SELENBP1: variants seen among roughly 807,000 people sequenced by gnomAD.
SELENBP1 encodes the protein selenium binding protein 1, also known as methanethiol oxidase.
A neutral mutation model predicts 61.0 loss-of-function variants in SELENBP1; 71 were observed. That is an observed-to-expected ratio of 1.16 (90% confidence interval 0.96 to 1.42). SELENBP1 has a LOEUF of 1.42. Ranked by LOEUF, SELENBP1 falls within the 40% of genes most tolerant of loss-of-function variation. SELENBP1 has a pLI of 0.00. For missense variants in SELENBP1, 561 were observed against 605.0 expected (o/e 0.93, Z 0.76); for synonymous variants, 270 against 238.9 (o/e 1.13, Z -1.20).
At position 151,365,245 on chromosome 1, in the gene SELENBP1, C is replaced by T. The variant is rs1651740570; in HGVS notation, c.1081G>A (p.Val361Met). The T allele has an allele frequency of 6.2e-7, 1 of 1,613,334 alleles. No individual in the cohort carries two copies. The highest frequency in any genetic ancestry group is 1.3e-5 in the African/African-American group (1 of 74,892). ...LGGSIVKGGP[V>M]QVLEDEELKS... is the part of the protein sequence containing the mutation. ...AGTTCCTCGTCCTCCAGCACTTGCA[C>T]AGGGCCTCCCTTAACAATGCTGCCT... Residue 361 changes from valine to methionine, a missense_variant, in exon 10 of 12, where the codon GTG becomes ATG. Val to Met is a conservative substitution (Grantham distance 21). Transcript: ENST00000368868.
In SELENBP1 at chr1:151,369,039, C is replaced by T. The variant is rs764783678; in HGVS notation, c.325G>A (p.Val109Met). The T allele has an allele frequency of 5.1e-5, 82 of 1,612,768 alleles. No homozygotes were observed. Among genetic ancestry groups the T allele is most frequent in the Non-Finnish European group, 6.7e-5 (79 of 1,179,072 alleles). The change falls in exon 4 of 12, where the codon GTG (valine) becomes ATG (methionine). Residue 109 changes from valine (V) to methionine (M), a missense_variant. Physicochemically the swap from Val to Met is conservative, Grantham distance 21 (BLOSUM62 1). Coordinates refer to ENST00000368868, the MANE Select transcript of SELENBP1 (RefSeq NM_003944.4). ...LISSRIYVVD[V>M]GSEPRAPKLH... ...TTTGGGGCCCGGGGCTCAGAGCCCA[C>T]GTCCACCACATAGATGCGAGAGGAG...
chr1:151,365,894 T>C, intron 7 of SELENBP1, 48 bp from the exon 8 acceptor site: 1 of 1,596,366 alleles, frequency 6.3e-7, no homozygotes, highest in Non-Finnish European at 8.6e-7. Context: ...GAGGTCAGCC[T>C]ATCAGAATTG....
intron 1 of SELENBP1, chr1:151,370,008 C>G: frequency 6.9e-7 from 1 of 1,440,816 alleles, no homozygotes; most frequent in East Asian, 2.5e-5. Flanking sequence ...CCAGCAGGGC[C>G]CCGGGAGGGT....
chr1:151,365,119 C>T (rs956253153), intron 10 of SELENBP1, 70 bp downstream of exon 10: 22 of 1,583,252 alleles, frequency 1.4e-5, no homozygotes, highest in African/African-American at 2.7e-5. Flanking sequence ...AGAGTATGCT[C>T]AGCTGCTCCC....
At chr1:151,371,151 A>G (rs1652120567) in intron 1 of SELENBP1, among the ~76,000 whole-genome samples, 1 of 152,218 alleles carries the variant, frequency 6.6e-6, no homozygotes, top group Admixed American at 6.5e-5. Flanking sequence ...TGGGAGGCTG[A>G]GGCGGAAAGA....
rs370957781 is a variant in SELENBP1, at chr1:151,372,670, C to T, written c.-29G>A. On this transcript the variant is annotated 5_prime_UTR_variant, in exon 1 of 12. Coordinates refer to ENST00000368868, the MANE Select transcript of SELENBP1 (RefSeq NM_003944.4). ...GCCGACTGGTACACTTTGATCCCGG[C>T]GGGTTTGCTGTGCTGGTGTCAGAGG... 2.9e-5 allele frequency: 46 copies of T among 1,613,842 alleles called. No homozygotes were observed. The highest frequency in any genetic ancestry group is 6.7e-5 in the Admixed American group (4 of 59,964).
Position 151,369,435 on chromosome 1 carries a change from G to A in SELENBP1, c.174+7C>T, listed in dbSNP as rs766551223. 24 of 1,607,004 alleles carry A rather than the reference G, an allele frequency of 1.5e-5. No homozygotes were observed. Among genetic ancestry groups the A allele is most frequent in the Admixed American group, 3.4e-5 (2 of 58,808 alleles). On this transcript the variant is annotated splice_region_variant and intron_variant, in intron 3 of 11. Coordinates refer to ENST00000368868, the MANE Select transcript of SELENBP1 (RefSeq NM_003944.4). ...TCAAAGTAGCTGGCGCCCAAGCCCC[G>A]CCTAACCTGGCAATACTGGGGAGAC... is the stretch of plus-strand genomic sequence containing the variant.
chr1:151,365,120 A>C, intron 10 of SELENBP1, 69 bp downstream of exon 10: 2 of 1,584,780 alleles, frequency 1.3e-6, no homozygotes, highest in Non-Finnish European at 1.7e-6. Flanking sequence ...GAGTATGCTC[A>C]GCTGCTCCCC....
At chr1:151,366,696 C>A (rs1472373502) in intron 6 of SELENBP1, 26 bp downstream of exon 6, 3 of 1,608,560 alleles carry the variant, frequency 1.9e-6, no homozygotes, top group African/African-American at 2.7e-5. Context: ...CCCAAGGCTC[C>A]TGCTGGCACA....
At position 151,369,182 on chromosome 1, in the gene SELENBP1, T is replaced by C. The variant is rs1460050365; in HGVS notation, c.182A>G (p.His61Arg). The C allele has an allele frequency of 1.2e-6, 2 of 1,609,900 alleles. No individual in the cohort carries two copies. The highest frequency in any genetic ancestry group is 2.2e-5 in the South Asian group (2 of 90,958). Residue 61 changes from histidine to arginine, a missense_variant, in exon 4 of 12, where the codon CAC becomes CGC. Coordinates refer to ENST00000368868, the MANE Select transcript of SELENBP1 (RefSeq NM_003944.4). ...CTTCAGGTTGGGCATGGGCAGCCGGTGGATGACCTAGGATGCGGGGAGAGG... is the reference window on the plus strand; with the variant it reads ...CTTCAGGTTGGGCATGGGCAGCCGGCGGATGACCTAGGATGCGGGGAGAGG... ...PKSPQYCQVI[H>R]RLPMPNLKDE...
chr1:151,368,248 G>C lies in SELENBP1; in HGVS notation c.432C>G (p.Ser144Arg), dbSNP rs74397187. 8 of 1,613,994 alleles carry C rather than the reference G, an allele frequency of 5.0e-6. No homozygotes were observed. The highest frequency in any genetic ancestry group is 6.8e-6 in the Non-Finnish European group (8 of 1,180,040). Residue 144 changes from serine to arginine, a missense_variant, in exon 5 of 12, where the codon AGC becomes AGG. Physicochemically the swap from Ser to Arg is moderately radical, Grantham distance 110. Coordinates refer to ENST00000368868, the MANE Select transcript of SELENBP1 (RefSeq NM_003944.4). ...AFLHTSHCLASGEVMISSLGD... is the reference protein window; with the variant it reads ...AFLHTSHCLARGEVMISSLGD... ...CCAGGGAGCTGATCATCACTTCCCC[G>C]CTGGCCAGGCAGTGGCTGGTGTGGA...
intron 7 of SELENBP1, 148 bp downstream of exon 7, chr1:151,366,127 T>G: frequency 1.0e-6 from 1 of 956,306 alleles, no homozygotes. Context: ...CAGGCAGAAG[T>G]TGCCCTAGCA....
Position 151,365,270 on chromosome 1 carries a change from T to C in SELENBP1, c.1056A>G (p.Gly352=). 6.2e-7 allele frequency: 1 copy of C among 1,612,402 alleles called. No individual in the cohort carries two copies. The highest frequency in any genetic ancestry group is 8.5e-7 in the Non-Finnish European group (1 of 1,179,262). The stretch of plus-strand genomic sequence containing the variant: ...CAGGGCCTCCCTTAACAATGCTGCC[T>C]CCGAGGAAGAGCTAGATGGGGAGGT... ...RPRLTGQLFL[G]GSIVKGGPVQ... is the part of the protein sequence containing the mutation. Residue 352 remains glycine, a synonymous_variant, in exon 10 of 12, where the codon GGA becomes GGG. Transcript: ENST00000368868.
chr1:151,370,003 A>G, intron 1 of SELENBP1: 3 of 1,449,836 alleles, frequency 2.1e-6, no homozygotes, highest in African/African-American at 1.4e-5. Context: ...ACAGTCCAGC[A>G]GGGCCCCGGG....
chr1:151,371,653 G>C (rs1652144075), intron 1 of SELENBP1, among the ~76,000 whole-genome samples: 1 of 152,044 alleles, frequency 6.6e-6, no homozygotes, highest in South Asian at 2.1e-4. Context: ...GAAGGGAAAG[G>C]AGATTTTAAA....
intron 3 of SELENBP1, 94 bp from the exon 4 acceptor site, chr1:151,369,283 G>T: frequency 1.3e-6 from 2 of 1,497,604 alleles, no homozygotes; most frequent in East Asian, 2.3e-5. Context: ...TTGGAAGCAC[G>T]GCACAGGCTG....
In SELENBP1 at chr1:151,364,515, T is replaced by C; in HGVS notation, c.*28A>G. ...TCCCCAAGGAAGTGAGGGCCCAAAA[T>C]AGGGAGTGTGGGTGATGAGGGTGGA... On this transcript the variant is annotated 3_prime_UTR_variant, in exon 12 of 12. Coordinates refer to ENST00000368868, the MANE Select transcript of SELENBP1 (RefSeq NM_003944.4). 6.2e-7 allele frequency: 1 copy of C among 1,613,168 alleles called. No homozygotes were observed. The highest frequency in any genetic ancestry group is 8.5e-7 in the Non-Finnish European group (1 of 1,179,740).
In SELENBP1 at chr1:151,365,190, T is replaced by C; in HGVS notation, c.1136A>G (p.Lys379Arg). ...GCAAGTAGGGGGAGAGGCTCTTACC[T>C]TGACCACTAGGGGCTCTGGCTGGGA... The part of the protein sequence containing the change: ...LKSQPEPLVV[K>R]GKRVAGGPQM... The change falls in exon 10 of 12, where the codon AAG becomes AGG. Residue 379 changes from lysine (K) to arginine (R), a missense_variant and splice_region_variant. Lys to Arg is a conservative substitution (Grantham distance 26). Transcript: ENST00000368868. 1 of 1,613,714 alleles carries C rather than the reference T, an allele frequency of 6.2e-7. No homozygotes were observed. The highest frequency in any genetic ancestry group is 2.2e-5 in the East Asian group (1 of 44,882).
At chr1:151,372,501 A>G in intron 1 of SELENBP1, 137 bp downstream of exon 1, 1 of 1,095,208 alleles carries the variant, frequency 9.1e-7, no homozygotes, top group East Asian at 2.4e-5. Flanking sequence ...GGGTGTGCAG[A>G]CTGGGGACAA....
Sources: gnomAD v4.1 joint callset for allele counts (sites outside exome capture counted in the v4.1 genomes callset) on GRCh38, gnomAD v4.1.1 for gene constraint, MANE v1.5 for transcripts, NCBI Gene and HGNC (gene_info 2026-07-23, HGNC 2026-07-21) for gene names.